AKAP7: variants seen among roughly 807,000 people sequenced by gnomAD.
The protein encoded by AKAP7 is A kinase (PRKA) anchor protein 7.
Under a neutral mutation model 39.5 loss-of-function variants are expected in AKAP7, and 39 were observed. The ratio of observed to expected loss-of-function variants is 0.99; its 90% CI spans 0.76 to 1.29. The LOEUF (loss-of-function observed/expected upper bound fraction) is 1.29, where lower values mean the gene tolerates loss of function less well. AKAP7 is among the 50% of genes most tolerant of loss of function. The pLI, the probability that AKAP7 is intolerant of heterozygous loss-of-function variation, is 0.00. For missense variants in AKAP7, 414 were observed against 407.7 expected (o/e 1.02, Z -0.13); for synonymous variants, 140 against 139.1 (o/e 1.01, Z -0.05).
chr6:131,200,724 A>G (rs2128282248), intron 6 of AKAP7: 1 of 152,294 alleles, frequency 6.6e-6, no homozygotes, highest in East Asian at 1.9e-4. Flanking sequence ...GTATCATATT[A>G]GGTATGTTAG....
intron 5 of AKAP7, chr6:131,185,244 C>T (rs948698129): frequency 3.4e-5 from 16 of 465,270 alleles, no homozygotes; most frequent in African/African-American, 7.9e-5. Flanking sequence ...GTGGGCTCAC[C>T]GCTTTTTCCG....
In AKAP7 at chr6:131,253,246, A is replaced by AT. The variant is rs141495149; in HGVS notation, c.851-28277dup. On this transcript the variant is annotated intron_variant, in intron 7 of 7. Transcript: ENST00000431975. Reference sequence around the variant, plus strand: ...TTTAGTCTATTGATAGCAAATGATGATTTTTTTAAATCAACTAGTTGTGTG... The same window carrying AT: ...TTTAGTCTATTGATAGCAAATGATGATTTTTTTTAAATCAACTAGTTGTGTG... 6,944 of 782,458 alleles carry AT rather than the reference A, an allele frequency of 8.9e-3. 342 individuals are homozygous for AT. The African/African-American group carries it at 0.11, about 12-fold the overall frequency. 48.5% of individuals were successfully genotyped at this position (782,458 alleles called of 1,614,324 possible).
At chr6:131,211,034 G>T (rs922749870) in intron 6 of AKAP7, among the ~76,000 whole-genome samples, 1 of 152,188 alleles carries the variant, frequency 6.6e-6, no homozygotes, top group Non-Finnish European at 1.5e-5. Context: ...TTCTCAACAG[G>T]TGGTAACTTT....
At chr6:131,240,701 C>T (rs539263588) in intron 7 of AKAP7, among the ~76,000 whole-genome samples, 19 of 152,250 alleles carry the variant, frequency 1.2e-4, no homozygotes, top group Middle Eastern at 3.4e-3. Context: ...TAGGACCCGC[C>T]GAGCCAGGCG....
Position 131,135,750 on chromosome 6 carries a change from C to CA in AKAP7, c.-13dup. 1 of 1,226,978 alleles carries CA rather than the reference C, an allele frequency of 8.2e-7. No individual in the cohort carries two copies. Among genetic ancestry groups the CA allele is most frequent in the Non-Finnish European group, 1.0e-6 (1 of 986,806 alleles). The allele number at this position is 1,226,978 out of a possible 1,614,324, so 76.0% of individuals were successfully genotyped here. A position where few individuals can be genotyped will look rare whatever the true frequency, so the allele number is the denominator to read the frequency against. ...GCCGCCAGCCCAGACGCGCCGCCCG[C>CA]ATGCGCCGCGACCATGGAGCGCCCC... is the stretch of plus-strand genomic sequence containing the variant. On this transcript the variant is annotated 5_prime_UTR_variant, in exon 1 of 8. It adds an upstream start codon to the 5' untranslated region. Coordinates refer to ENST00000431975, the MANE Select transcript of AKAP7 (RefSeq NM_016377.4).
At position 131,135,541 on chromosome 6, in the gene AKAP7, G is replaced by T; in HGVS notation, c.-223G>T. The stretch of plus-strand genomic sequence containing the variant: ...GGCTGCCGCCGCCGCTGCTGCCGCT[G>T]CCGCGGGGGCTGCGGCTTGGGAAGC... On this transcript the variant is annotated 5_prime_UTR_variant, in exon 1 of 8. Transcript: ENST00000431975. 5.3e-6 allele frequency: 1 copy of T among 189,756 alleles called. No homozygotes were observed. The highest frequency in any genetic ancestry group is 9.8e-6 in the Non-Finnish European group (1 of 102,054). 11.8% of individuals were successfully genotyped at this position (189,756 alleles called of 1,614,324 possible).
chr6:131,140,680 A>C (rs1275436316), intron 1 of AKAP7, among the ~76,000 whole-genome samples: 1 of 152,124 alleles, frequency 6.6e-6, no homozygotes, highest in Non-Finnish European at 1.5e-5. Context: ...GGTTGGGTTT[A>C]TTTCATTTTG....
chr6:131,159,302 C>T (rs1044314815), intron 2 of AKAP7, among the ~76,000 whole-genome samples: 6 of 151,786 alleles, frequency 4.0e-5, no homozygotes, highest in Admixed American at 2.0e-4. Context: ...ACCGTGTTAG[C>T]CAGGATGGTC....
intron 5 of AKAP7, among the ~76,000 whole-genome samples, chr6:131,179,888 T>G (rs753347249): frequency 6.6e-6 from 1 of 151,194 alleles, no homozygotes; most frequent in African/African-American, 2.4e-5. Flanking sequence ...AATAAATAAA[T>G]AAATAAATAA....
intron 5 of AKAP7, among the ~76,000 whole-genome samples, chr6:131,192,877 A>G (rs2128274632): frequency 6.6e-6 from 1 of 152,134 alleles, no homozygotes; most frequent in South Asian, 2.1e-4. Context: ...TTTCTTTTTC[A>G]GGTTGTTCAC....
chr6:131,132,257 G>A (rs905798157), upstream of AKAP7, among the ~76,000 whole-genome samples: 4 of 151,500 alleles, frequency 2.6e-5, no homozygotes, highest in African/African-American at 9.7e-5. Context: ...AGCTTGCAGT[G>A]AGCCGAGATT....
intron 7 of AKAP7, among the ~76,000 whole-genome samples, chr6:131,278,372 AATTGTTGAATGAATGACC>A (rs1165093182): frequency 6.6e-6 from 1 of 152,206 alleles, no homozygotes; most frequent in Admixed American, 6.5e-5. Flanking sequence ...CTCAGTACAC[AATTGTTGAATGAATGACC>A]AAATGGCCAT....
chr6:131,199,485 A>C lies in AKAP7; in HGVS notation c.614A>C (p.Glu205Ala). ...IAETANRTFQ[E>A]KGILVGESRS... is the part of the protein sequence containing the mutation. The stretch of plus-strand genomic sequence containing the variant: ...GAGACTGCAAATAGGACATTTCAAG[A>C]AAAAGGCATCCTGGTAGGAGAGAGC... Residue 205 changes from glutamate to alanine, a missense_variant, in exon 6 of 8, where the codon GAA becomes GCA. Physicochemically the swap from Glu to Ala is moderately radical, Grantham distance 107. Transcript: ENST00000431975. The C allele has an allele frequency of 1.9e-6, 3 of 1,604,960 alleles. No individual in the cohort carries two copies. The South Asian group carries it at 3.3e-5, about 18-fold the overall frequency.
chr6:131,140,256 C>G (rs1014507576), intron 1 of AKAP7, among the ~76,000 whole-genome samples: 1 of 137,930 alleles, frequency 7.3e-6, no homozygotes, highest in Non-Finnish European at 1.6e-5. Flanking sequence ...GACACACATG[C>G]GTTCTAGTGA....
At chr6:131,178,885 G>A (rs1804835360) in intron 5 of AKAP7, among the ~76,000 whole-genome samples, 1 of 152,066 alleles carries the variant, frequency 6.6e-6, no homozygotes. Context: ...TATATCTCCT[G>A]CCTTATCGTG....
intron 6 of AKAP7, among the ~76,000 whole-genome samples, chr6:131,217,273 A>G (rs1009567724): frequency 1.3e-5 from 2 of 152,142 alleles, no homozygotes; most frequent in African/African-American, 2.4e-5. Context: ...TCCACTTTTG[A>G]GGTCCCATTT....
intron 7 of AKAP7, among the ~76,000 whole-genome samples, chr6:131,229,270 T>C (rs1173830043): frequency 6.6e-6 from 1 of 152,198 alleles, no homozygotes; most frequent in Non-Finnish European, 1.5e-5. Context: ...ATAGAAATTT[T>C]GGAAAACTCA....
chr6:131,183,463 G>A (rs1012438369), intron 5 of AKAP7, among the ~76,000 whole-genome samples: 10 of 152,158 alleles, frequency 6.6e-5, no homozygotes, highest in Non-Finnish European at 1.3e-4. Flanking sequence ...AGGGGATTTT[G>A]GAGGTAGGCT....
In AKAP7 at chr6:131,281,598, G is replaced by A. The variant is rs1353586966; in HGVS notation, c.919G>A (p.Ala307Thr). Residue 307 changes from alanine to threonine, a missense_variant, in exon 8 of 8, where the codon GCG (alanine) becomes ACG (threonine). By Grantham distance (58) the Ala-to-Thr change is moderately conservative (BLOSUM62 0). Transcript: ENST00000431975. This position sits in a 1 kb window ranked among gnomAD's most constrained non-coding sequence, Gnocchi z 4.0. ...GCTCAGTAAGAGGCTGGTGGAGAAC[G>A]CGGTGCTCAAGGCTGTCCAGCAGTA... is the stretch of plus-strand genomic sequence containing the variant. ...VRLSKRLVEN[A>T]VLKAVQQYLE... 1.9e-6 allele frequency: 3 copies of A among 1,612,924 alleles called. No homozygotes were observed. Among genetic ancestry groups the A allele is most frequent in the South Asian group, 1.1e-5 (1 of 90,920 alleles).
Sources: allele counts gnomAD v4.1 joint callset (sites outside exome capture counted in the v4.1 genomes callset), GRCh38; gene constraint gnomAD v4.1.1; non-coding constraint Gnocchi (gnomAD v3.1); transcripts MANE v1.5; gene names NCBI Gene and HGNC (gene_info 2026-07-23, HGNC 2026-07-21).